Variants in LRRC9 observed in about 807,000 individuals in gnomAD.
The protein encoded by LRRC9 is leucine rich repeat containing 9, also known as leucine-rich repeat-containing protein 9.
A neutral mutation model predicts 63.2 loss-of-function variants in LRRC9; 122 were observed. That is an observed-to-expected ratio of 1.93 (90% CI 1.67 to 2.24). LRRC9 has a LOEUF of 2.24. Among genes scored for constraint, LRRC9 ranks in the 30% most tolerant of loss-of-function variants. The pLI is 0.00. For missense variants in LRRC9, 1,071 were observed against 627.7 expected, an observed-to-expected ratio of 1.71 and a Z score of -7.55; for synonymous variants, 366 against 213.1, an observed-to-expected ratio of 1.72 and a Z score of -6.25.
chr14:60,043,802 G>C (rs1893176943), intron 29 of LRRC9, among the ~76,000 whole-genome samples: 1 of 142,806 alleles, frequency 7.0e-6, no homozygotes, highest in Non-Finnish European at 1.5e-5. Context: ...TTGGTATCAG[G>C]GTAATAATGC....
At chr14:60,000,603 A>G (rs896478859) in intron 19 of LRRC9, among the ~76,000 whole-genome samples, 1 of 152,138 alleles carries the variant, frequency 6.6e-6, no homozygotes, top group African/African-American at 2.4e-5. Flanking sequence ...GCCTTTGTAG[A>G]TCAGGGAGAT....
intron 23 of LRRC9, among the ~76,000 whole-genome samples, chr14:60,012,616 T>C (rs1476787357): frequency 6.6e-6 from 1 of 152,212 alleles, no homozygotes; most frequent in African/African-American, 2.4e-5. Flanking sequence ...TGTCAAACAA[T>C]AGCCATTGGG....
Position 60,003,841 on chromosome 14 carries a change from C to G in LRRC9, c.2842+43C>G, listed in dbSNP as rs1889590373. The G allele has an allele frequency of 1.9e-6, 1 of 535,532 alleles. No homozygotes were observed. Among genetic ancestry groups the G allele is most frequent in the African/African-American group, 2.0e-5 (1 of 50,696 alleles). 33.2% of individuals were successfully genotyped at this position (535,532 alleles called of 1,614,324 possible). ...TTTGAAGTCTCAAAATATGGGATGT[C>G]TAAACAACAAAGCAAAAAATAACCC... On this transcript the variant is annotated intron_variant, in intron 21 of 31. Coordinates refer to ENST00000445360, the Ensembl canonical transcript of LRRC9. The surrounding 1 kb of genome is among the most constrained non-coding windows in gnomAD (Gnocchi z 4.2).
chr14:60,047,928 AT>A (rs1893571842), intron 29 of LRRC9, among the ~76,000 whole-genome samples: 3 of 152,238 alleles, frequency 2.0e-5, no homozygotes, highest in African/African-American at 7.2e-5. Flanking sequence ...AAGGACTGAA[AT>A]CATAACAAAC....
At chr14:59,940,489 C>T (rs1353103002) in intron 7 of LRRC9, among the ~76,000 whole-genome samples, 1 of 151,992 alleles carries the variant, frequency 6.6e-6, no homozygotes, top group Non-Finnish European at 1.5e-5. Context: ...AAAGTCAGAA[C>T]CTACCAGGAG....
chr14:60,001,300 T>C (rs1889339212), intron 19 of LRRC9, among the ~76,000 whole-genome samples: 1 of 152,062 alleles, frequency 6.6e-6, no homozygotes. Flanking sequence ...TGCACAAGAA[T>C]ATTCATGATG....
intron 26 of LRRC9, among the ~76,000 whole-genome samples, chr14:60,020,236 C>T (rs1427421449): frequency 6.6e-6 from 1 of 151,816 alleles, no homozygotes; most frequent in Non-Finnish European, 1.5e-5. Flanking sequence ...GCTCCTTTTA[C>T]TTAGCATAAT....
rs1364387204 is a variant in LRRC9, at chr14:59,990,259, T to C, written c.2211+5035T>C. ...TCTTTTTTATTCACCTCTCGTGTCC[T>C]TATCCTGTTTCATTTTGAGTTTAGC... On this transcript the variant is annotated intron_variant, in intron 17 of 31. Coordinates refer to ENST00000445360, the Ensembl canonical transcript of LRRC9. The surrounding 1 kb of genome is among the most constrained non-coding windows in gnomAD (Gnocchi z 4.2). Among the ~76,000 whole-genome samples the C allele has an allele frequency of 6.6e-6, 1 of 152,194 alleles. No homozygotes were observed. Among genetic ancestry groups the C allele is most frequent in the South Asian group, 2.1e-4 (1 of 4,820 alleles).
chr14:60,018,408 G>A (rs1232597884), exon 25 of LRRC9: 1 of 700,492 alleles, frequency 1.4e-6, no homozygotes, highest in Non-Finnish European at 2.6e-6. Flanking sequence ...ATTTAGAAAT[G>A]TGTGTAATGT....
chr14:59,930,020 C>T lies in LRRC9; in HGVS notation c.268-898C>T, dbSNP rs926452942. Among the ~76,000 whole-genome samples, 3 of 151,960 alleles carry T rather than the reference C, an allele frequency of 2.0e-5. No individual in the cohort carries two copies. Among genetic ancestry groups the T allele is most frequent in the African/African-American group, 7.2e-5 (3 of 41,382 alleles). On this transcript the variant is annotated intron_variant, in intron 3 of 31. Transcript: ENST00000445360. The surrounding 1 kb of genome is among the most constrained non-coding windows in gnomAD (Gnocchi z 4.9). ...TAATCTGTACAACAAACCCCCATGA[C>T]AGAAATTTACCTAAATAACAAACCT...
At chr14:59,934,306 C>A (rs1889951660) in intron 6 of LRRC9, among the ~76,000 whole-genome samples, 1 of 151,876 alleles carries the variant, frequency 6.6e-6, no homozygotes, top group Admixed American at 6.6e-5. Context: ...AAAAAATACA[C>A]AAATCAGAAA....
intron 13 of LRRC9, among the ~76,000 whole-genome samples, chr14:59,975,248 A>T (rs1886146141): frequency 6.8e-6 from 1 of 148,024 alleles, no homozygotes; most frequent in South Asian, 2.1e-4. Flanking sequence ...ATAATTATAT[A>T]ATAATTATAT....
intron 29 of LRRC9, among the ~76,000 whole-genome samples, chr14:60,041,133 T>C (rs1252087904): frequency 6.6e-6 from 1 of 152,034 alleles, no homozygotes; most frequent in African/African-American, 2.4e-5. Flanking sequence ...GATCCACTTT[T>C]AGTCTGATGG....
In LRRC9 at chr14:59,936,054, C is replaced by T. The variant is rs770245322; in HGVS notation, c.544-2336C>T. ...GCCTCATACTAGAGGCAGCATAATA[C>T]GGTGGAACATGAAGTTTTGGTGAAA... is the stretch of plus-strand genomic sequence containing the variant. On this transcript the variant is annotated intron_variant, in intron 6 of 31. Transcript: ENST00000445360. The surrounding 1 kb of genome is among the most constrained non-coding windows in gnomAD (Gnocchi z 4.2). Among the ~76,000 whole-genome samples, 163 of 152,186 alleles carry T rather than the reference C, an allele frequency of 1.1e-3. No homozygotes were observed. Among genetic ancestry groups the T allele is most frequent in the Non-Finnish European group, 2.0e-3 (133 of 68,000 alleles).
At chr14:59,928,363 T>A (rs1439194555) in exon 3 of LRRC9, 13 of 694,680 alleles carry the variant, frequency 1.9e-5, no homozygotes, top group Non-Finnish European at 3.4e-5. Context: ...CTCGTATAGT[T>A]GGATTATCAT....
intron 29 of LRRC9, among the ~76,000 whole-genome samples, chr14:60,036,519 T>C (rs924663543): frequency 2.6e-5 from 4 of 152,154 alleles, no homozygotes; most frequent in African/African-American, 9.7e-5. Context: ...TACGGACCAG[T>C]TAATTTGTAG....
chr14:60,063,284 G>GT (rs1894773974), intron 31 of LRRC9, 39 bp from the exon 33 acceptor site: 2 of 690,864 alleles, frequency 2.9e-6, no homozygotes, highest in Non-Finnish European at 5.2e-6. Flanking sequence ...ACAAAATTAA[G>GT]TCACCACTAT....
At chr14:60,047,782 T>G (rs1219808122) in intron 29 of LRRC9, among the ~76,000 whole-genome samples, 1 of 152,196 alleles carries the variant, frequency 6.6e-6, no homozygotes, top group Non-Finnish European at 1.5e-5. Flanking sequence ...AACTCAGCTC[T>G]GGATCAAGTG....
intron 29 of LRRC9, among the ~76,000 whole-genome samples, chr14:60,041,501 A>G (rs558251422): frequency 3.9e-5 from 6 of 152,264 alleles, no homozygotes; most frequent in Admixed American, 1.3e-4. Flanking sequence ...TTGATGTTCA[A>G]TCACTGATAC....
Sources: allele counts gnomAD v4.1 joint callset (sites outside exome capture counted in the v4.1 genomes callset), GRCh38; gene constraint gnomAD v4.1.1; non-coding constraint Gnocchi (gnomAD v3.1); transcripts MANE v1.5; gene names NCBI Gene and HGNC (gene_info 2026-07-23, HGNC 2026-07-21).